The following PLXNA2 variants were observed in gnomAD, a reference collection of about 807,000 sequenced individuals.
PLXNA2 encodes plexin A2.
PLXNA2 carries 91 observed loss-of-function variants against 193.5 expected under a neutral mutation model. The observed-to-expected ratio is 0.47, with a 90% CI of 0.40 to 0.56. The LOEUF is 0.56. PLXNA2 is among the 20% of genes least tolerant of loss of function. The pLI is 0.00. For synonymous variants in PLXNA2, 997 were observed against 1,027.3 expected (o/e 0.97, Z 0.56); for missense variants, 1,995 against 2,503.2 (o/e 0.80, Z 4.33).
In PLXNA2 at chr1:208,043,221, C is replaced by G. The variant is rs374587018; in HGVS notation, c.3875-18G>C. 37 of 1,606,748 alleles carry G rather than the reference C, an allele frequency of 2.3e-5. No individual in the cohort carries two copies. The highest frequency in any genetic ancestry group is 4.0e-5 in the African/African-American group (3 of 74,766). On this transcript the variant is annotated intron_variant, in intron 20 of 31. Transcript: ENST00000367033. The stretch of plus-strand genomic sequence containing the variant: ...AGCAAAAGCTATGAGAATAAGCAGA[C>G]GGAGAGGCTCGTGGGGAAGCCCCAG...
At chr1:208,088,437 A>G (rs1175982613) in intron 9 of PLXNA2, among the ~76,000 whole-genome samples, 2 of 152,254 alleles carry the variant, frequency 1.3e-5, no homozygotes, top group Admixed American at 6.5e-5. Context: ...ATTTGGTTCT[A>G]TCTTTCCCCT....
chr1:208,031,502 C>T, intron 29 of PLXNA2, 88 bp downstream of exon 29: 1 of 1,515,588 alleles, frequency 6.6e-7, no homozygotes, highest in Non-Finnish European at 9.1e-7. Context: ...ATAGGCTATC[C>T]TCCCACCCTC....
chr1:208,058,157 T>G (rs954466281), intron 13 of PLXNA2, among the ~76,000 whole-genome samples: 6 of 152,036 alleles, frequency 3.9e-5, no homozygotes, highest in African/African-American at 9.7e-5. Flanking sequence ...AATGGCTGAG[T>G]TCACAGGTAC....
At chr1:208,192,162 G>A (rs1264336380) in intron 3 of PLXNA2, among the ~76,000 whole-genome samples, 25 of 152,130 alleles carry the variant, frequency 1.6e-4, no homozygotes, top group Non-Finnish European at 3.7e-4. Context: ...TCTCCCAGGT[G>A]TAACCTTCGA....
At chr1:208,138,201 T>C (rs777597129) in intron 4 of PLXNA2, among the ~76,000 whole-genome samples, 1 of 152,214 alleles carries the variant, frequency 6.6e-6, no homozygotes, top group Non-Finnish European at 1.5e-5. Context: ...ACACATTCAG[T>C]AGAAATTGTA....
At chr1:208,072,572 C>T (rs530065387) in intron 12 of PLXNA2, among the ~76,000 whole-genome samples, 1 of 152,248 alleles carries the variant, frequency 6.6e-6, no homozygotes, top group South Asian at 2.1e-4. Flanking sequence ...GCCAGGGAAT[C>T]CAGCTTTCAC....
intron 1 of PLXNA2, among the ~76,000 whole-genome samples, chr1:208,231,861 T>C (rs929760688): frequency 3.9e-5 from 6 of 152,226 alleles, no homozygotes; most frequent in Non-Finnish European, 8.8e-5. Flanking sequence ...CTGCCTGACG[T>C]TGCAGATGCC....
rs550792820 is a variant in PLXNA2, at chr1:208,182,736, T to G, written c.1371+27544A>C. 9.9e-5 allele frequency among the ~76,000 whole-genome samples: 15 copies of G among 152,130 alleles called. 1 individual carries two copies. The South Asian group carries it at 3.1e-3, about 32-fold the overall frequency. On this transcript the variant is annotated intron_variant, in intron 3 of 31. Coordinates refer to ENST00000367033, the MANE Select transcript of PLXNA2 (RefSeq NM_025179.4). Reference sequence around the variant, plus strand: ...GAAAAGGGGTTTGAAGGGCAGCCTTTCAGCTGGGCAGAGCTGTGCGGGGAG... The same window carrying G: ...GAAAAGGGGTTTGAAGGGCAGCCTTGCAGCTGGGCAGAGCTGTGCGGGGAG...
chr1:208,232,115 G>A (rs766322733), intron 1 of PLXNA2, among the ~76,000 whole-genome samples: 22 of 152,222 alleles, frequency 1.4e-4, no homozygotes, highest in Non-Finnish European at 2.2e-4. Context: ...CAGTTCTGGC[G>A]GGTGGGAAGG....
intron 12 of PLXNA2, among the ~76,000 whole-genome samples, chr1:208,061,497 A>G (rs1665619802): frequency 6.6e-6 from 1 of 152,186 alleles, no homozygotes; most frequent in Non-Finnish European, 1.5e-5. Flanking sequence ...TGGGGAGTAG[A>G]GACTAGGTGT....
At chr1:208,094,363 A>C (rs1173712903) in intron 8 of PLXNA2, among the ~76,000 whole-genome samples, 2 of 152,178 alleles carry the variant, frequency 1.3e-5, no homozygotes, top group Non-Finnish European at 2.9e-5. Flanking sequence ...ATTTTAACTG[A>C]ATTCCAGTAG....
At position 208,034,493 on chromosome 1, in the gene PLXNA2, C is replaced by T. The variant is rs780055079; in HGVS notation, c.4864G>A (p.Asp1622Asn). ...CCCAGTCTGCCCTCGTGGTTCTCAC[C>T]GTATCTGCTGATGGACGTCCGGGAG... ...SISRTSISRY[D>N]SSFRYTGSPD... The change falls in exon 27 of 32, where the codon GAC becomes AAC. Residue 1622 changes from aspartate (D) to asparagine (N), a missense_variant and splice_region_variant. Transcript: ENST00000367033. The T allele has an allele frequency of 6.8e-6, 11 of 1,606,654 alleles. No homozygotes were observed. The highest frequency in any genetic ancestry group is 2.7e-5 in the African/African-American group (2 of 74,762).
Position 208,028,672 on chromosome 1 carries a change from A to T in PLXNA2, c.5438+158T>A, listed in dbSNP as rs1664410889. 6.6e-6 allele frequency among the ~76,000 whole-genome samples: 1 copy of T among 152,158 alleles called. No individual in the cohort carries two copies. Among genetic ancestry groups the T allele is most frequent in the Non-Finnish European group, 1.5e-5 (1 of 68,024 alleles). On this transcript the variant is annotated intron_variant, in intron 30 of 31. Transcript: ENST00000367033. The surrounding 1 kb of genome is among the most constrained non-coding windows in gnomAD (Gnocchi z 4.2). ...ATCTGACTTCCACGGGCACAAAGCC[A>T]CCCTTCCTCCCGCAGCAGGGGGTGT...
chr1:208,180,387 G>A (rs528649218), intron 3 of PLXNA2, among the ~76,000 whole-genome samples: 42 of 152,244 alleles, frequency 2.8e-4, no homozygotes, highest in African/African-American at 9.9e-4. Context: ...GGGAGCAGGG[G>A]CAGAAGGCAG....
Position 208,026,654 on chromosome 1 carries a change from T to C in PLXNA2, c.*589A>G, listed in dbSNP as rs67891260. 1.3e-3 allele frequency: 162 copies of C among 120,996 alleles called. 1 individual carries two copies. Among genetic ancestry groups the C allele is most frequent in the Middle Eastern group, 9.4e-3 (2 of 212 alleles). 7.5% of individuals were successfully genotyped at this position (120,996 alleles called of 1,614,324 possible). A position where few individuals can be genotyped will look rare whatever the true frequency, so the allele number is the denominator to read the frequency against. ...ATCATTCTTCTTCTCCTCTTTCTCT[T>C]TTTTTTTTTTTTTTTAATTTCAAGG... On this transcript the variant is annotated 3_prime_UTR_variant, in exon 32 of 32. Transcript: ENST00000367033.
chr1:208,029,496 G>T (rs1193093), intron 29 of PLXNA2: 992,563 of 1,001,854 alleles, frequency 0.99, 492,279 homozygotes, highest in East Asian at 1. Flanking sequence ...CACAAAGGGC[G>T]CCACCTGCGC....
At chr1:208,135,430 G>A (rs1225425728) in intron 4 of PLXNA2, among the ~76,000 whole-genome samples, 1 of 152,168 alleles carries the variant, frequency 6.6e-6, no homozygotes, top group Non-Finnish European at 1.5e-5. Flanking sequence ...TGCCTGGAGA[G>A]CTATTTATAA....
At chr1:208,030,218 G>T in intron 29 of PLXNA2, 1 of 985,550 alleles carries the variant, frequency 1.0e-6, no homozygotes, top group Non-Finnish European at 1.2e-6. Flanking sequence ...TCTTCTGGCA[G>T]CCTTGGGTAG....
chr1:208,233,174 G>A (rs17012203), intron 1 of PLXNA2, among the ~76,000 whole-genome samples: 36 of 152,138 alleles, frequency 2.4e-4, no homozygotes, highest in Admixed American at 1.2e-3. Context: ...GATGATTTGC[G>A]TGCATACCCT....
Sources: gnomAD v4.1 joint callset for allele counts (sites outside exome capture counted in the v4.1 genomes callset) on GRCh38, gnomAD v4.1.1 for gene constraint, Gnocchi (gnomAD v3.1) non-coding constraint, MANE v1.5 for transcripts, NCBI Gene and HGNC (gene_info 2026-07-23, HGNC 2026-07-21) for gene names.